Variants in FRAS1 observed in about 807,000 individuals in gnomAD.
The protein encoded by FRAS1 is extracellular matrix organizing protein FRAS1.
In FRAS1, 290 loss-of-function variants were observed where a neutral mutation model predicts 435.2. That is an observed-to-expected ratio of 0.67 (90% confidence interval 0.61 to 0.73). The LOEUF (loss-of-function observed/expected upper bound fraction) is 0.73. Ranked by LOEUF, FRAS1 falls within the 30% of genes least tolerant of loss-of-function variation. The probability of loss-of-function intolerance (pLI) is 0.00; values close to 1 mark genes in which losing one functional copy is unlikely to be tolerated. For missense variants in FRAS1, 4,860 were observed against 5,001.5 expected (o/e 0.97, Z 0.85); for synonymous variants, 1,800 against 1,851.0 (o/e 0.97, Z 0.71).
At chr4:78,128,510 T>G (rs1263528723) in intron 2 of FRAS1, among the ~76,000 whole-genome samples, 1 of 152,268 alleles carries the variant, frequency 6.6e-6, no homozygotes, top group Non-Finnish European at 1.5e-5. Context: ...CCAGTGATGA[T>G]GAGCATTTTT....
chr4:78,460,727 T>A (rs929712098), intron 47 of FRAS1, among the ~76,000 whole-genome samples: 1 of 152,256 alleles, frequency 6.6e-6, no homozygotes, highest in Non-Finnish European at 1.5e-5. Context: ...GTTACTGTAC[T>A]GAATACTGTA....
intron 2 of FRAS1, among the ~76,000 whole-genome samples, chr4:78,069,876 T>C (rs4591635): frequency 0.22 from 33,569 of 151,818 alleles, 3,958 homozygotes; most frequent in African/African-American, 0.29. Context: ...TAAGTCCTAG[T>C]GGAAAAGAGA....
intron 35 of FRAS1, among the ~76,000 whole-genome samples, chr4:78,427,111 T>C (rs1445056756): frequency 6.6e-6 from 1 of 152,216 alleles, no homozygotes; most frequent in Non-Finnish European, 1.5e-5. Context: ...TACAAGGTAA[T>C]TGAAACCTGA....
Position 78,112,993 on chromosome 4 carries a change from A to T in FRAS1, c.108+46977A>T, listed in dbSNP as rs1342480341. On this transcript the variant is annotated intron_variant, in intron 2 of 73. Transcript: ENST00000512123. ...CCCTCCCCGCTCCCTCCACCCCACA[A>T]CAGGCCCCAGTGTGTGATGTTCCCC... Among the ~76,000 whole-genome samples the T allele has an allele frequency of 2.6e-5, 4 of 151,988 alleles. No individual in the cohort carries two copies. The East Asian group carries it at 7.7e-4, about 29-fold the overall frequency.
At chr4:78,155,529 G>A (rs191396309) in intron 2 of FRAS1, among the ~76,000 whole-genome samples, 1 of 152,286 alleles carries the variant, frequency 6.6e-6, no homozygotes, top group East Asian at 1.9e-4. Flanking sequence ...TATTATTTCT[G>A]TTGTGACCTT....
At chr4:78,300,049 T>C (rs1020065252) in intron 14 of FRAS1, among the ~76,000 whole-genome samples, 5 of 152,196 alleles carry the variant, frequency 3.3e-5, no homozygotes, top group African/African-American at 4.8e-5. Context: ...GTAATGACTT[T>C]AGATCAACTC....
intron 2 of FRAS1, among the ~76,000 whole-genome samples, chr4:78,212,382 C>T (rs1481348175): frequency 1.3e-5 from 2 of 151,980 alleles, no homozygotes; most frequent in African/African-American, 4.8e-5. Flanking sequence ...TATGCATGTA[C>T]CCCCAAAACC....
rs1332921572 is a variant in FRAS1 at position 78,515,957 on chromosome 4, T to C, written c.10333T>C (p.Tyr3445His). Residue 3445 changes from tyrosine to histidine, a missense_variant, in exon 66 of 74, where the codon TAT (tyrosine) becomes CAT (histidine). By Grantham distance (83) the Tyr-to-His change is moderately conservative (BLOSUM62 2). Coordinates refer to ENST00000512123, the MANE Select transcript of FRAS1 (RefSeq NM_025074.7). Reference sequence around the variant, plus strand: ...CTGCGTGTGGACCTTTGATGCTTATTATGACATGACTGAGCTGATTGACGT... The same window carrying C: ...CTGCGTGTGGACCTTTGATGCTTATCATGACATGACTGAGCTGATTGACGT... The part of the protein sequence containing the change: ...KSCVWTFDAY[Y>H]DMTELIDVCG... 4.3e-6 allele frequency: 7 copies of C among 1,613,998 alleles called. No homozygotes were observed. In the Admixed American group the frequency reaches 1.0e-4, roughly 23 times the overall value.
intron 14 of FRAS1, among the ~76,000 whole-genome samples, chr4:78,296,787 T>C (rs1448744310): frequency 6.6e-6 from 1 of 152,172 alleles, no homozygotes; most frequent in African/African-American, 2.4e-5. Context: ...CACTTTAATT[T>C]GCTCCCTTTA....
intron 20 of FRAS1, among the ~76,000 whole-genome samples, chr4:78,339,638 C>G (rs1730325221): frequency 1.3e-5 from 2 of 152,208 alleles, no homozygotes; most frequent in South Asian, 4.1e-4. Context: ...GCAGGTATAG[C>G]ACGTGGGCCA....
At chr4:78,483,784 A>G (rs372916731) in intron 58 of FRAS1, among the ~76,000 whole-genome samples, 2 of 43,422 alleles carry the variant, frequency 4.6e-5, no homozygotes, top group African/African-American at 1.0e-4. Flanking sequence ...CTCTCTCTCT[A>G]TATATATATA....
At chr4:78,267,072 T>A in intron 8 of FRAS1, 137 bp downstream of exon 8, 1 of 903,582 alleles carries the variant, frequency 1.1e-6, no homozygotes, top group Non-Finnish European at 1.7e-6. Flanking sequence ...ATATGAAGGC[T>A]CTGCTTCCTA....
intron 29 of FRAS1, among the ~76,000 whole-genome samples, chr4:78,394,861 G>C (rs901525065): frequency 6.6e-6 from 1 of 151,820 alleles, no homozygotes; most frequent in Non-Finnish European, 1.5e-5. Context: ...GCATTTATTT[G>C]TGTCTTATTC....
At chr4:78,309,950 C>A (rs1196636323) in intron 15 of FRAS1, among the ~76,000 whole-genome samples, 1 of 152,076 alleles carries the variant, frequency 6.6e-6, no homozygotes, top group Non-Finnish European at 1.5e-5. Context: ...CTGAGCAGGG[C>A]AACAGCAAAA....
intron 47 of FRAS1, among the ~76,000 whole-genome samples, chr4:78,457,241 T>C (rs2109840482): frequency 6.6e-6 from 1 of 152,322 alleles, no homozygotes; most frequent in African/African-American, 2.4e-5. Context: ...CACCGGAAGC[T>C]GAACCAGAGC....
chr4:78,513,829 T>C (rs796736486), intron 65 of FRAS1, among the ~76,000 whole-genome samples: 1 of 152,336 alleles, frequency 6.6e-6, no homozygotes, highest in African/African-American at 2.4e-5. Context: ...AAAGTGGGAA[T>C]AACAATTGCT....
chr4:78,446,774 G>A lies in FRAS1; in HGVS notation c.5904G>A (p.Val1968=), dbSNP rs1374949179. The A allele has an allele frequency of 2.5e-6, 4 of 1,613,474 alleles. No individual in the cohort carries two copies. The highest frequency in any genetic ancestry group is 3.4e-6 in the Non-Finnish European group (4 of 1,179,780). ...PPRMTLQPLR[V]QLSSGVVISN... ...GGATGACCTTGCAGCCCCTCAGAGTGCAGCTGAGCTCGGGAGTGGTGATAA... is the reference window on the plus strand; with the variant it reads ...GGATGACCTTGCAGCCCCTCAGAGTACAGCTGAGCTCGGGAGTGGTGATAA... The change falls in exon 43 of 74, where the codon GTG becomes GTA. Residue 1968 remains valine (V), a synonymous_variant. Coordinates refer to ENST00000512123, the MANE Select transcript of FRAS1 (RefSeq NM_025074.7).
intron 2 of FRAS1, among the ~76,000 whole-genome samples, chr4:78,198,879 T>C (rs1236448468): frequency 1.3e-5 from 2 of 152,260 alleles, no homozygotes; most frequent in East Asian, 1.9e-4. Flanking sequence ...TGGCTTACTT[T>C]ATTCTAAGTA....
intron 2 of FRAS1, among the ~76,000 whole-genome samples, chr4:78,115,437 C>T (rs59939614): frequency 1.3e-5 from 2 of 152,016 alleles, no homozygotes; most frequent in South Asian, 4.2e-4. Flanking sequence ...TGGTAGAATT[C>T]GGCTGTGAAT....
Sources: gnomAD v4.1 joint callset for allele counts (sites outside exome capture counted in the v4.1 genomes callset) on GRCh38, gnomAD v4.1.1 for gene constraint, MANE v1.5 for transcripts, NCBI Gene and HGNC (gene_info 2026-07-23, HGNC 2026-07-21) for gene names.